The following KCNC2 variants were observed in gnomAD, a reference collection of about 807,000 sequenced individuals.
The protein encoded by KCNC2 is potassium voltage-gated channel subfamily C member 2, also known as voltage-gated potassium channel KCNC2.
Under a neutral mutation model 44.5 loss-of-function variants are expected in KCNC2, and 21 were observed. That is an observed-to-expected ratio of 0.47 (90% CI 0.33 to 0.68). The LOEUF (loss-of-function observed/expected upper bound fraction) is 0.68. KCNC2 is among the 30% of genes least tolerant of loss of function. The probability of loss-of-function intolerance (pLI) is 0.01; values close to 1 mark genes in which losing one functional copy is unlikely to be tolerated. For missense variants in KCNC2, 589 were observed against 826.2 expected (o/e 0.71, Z 3.52); for synonymous variants, 391 against 339.1 (o/e 1.15, Z -1.68).
intron 2 of KCNC2, among the ~76,000 whole-genome samples, chr12:75,061,667 G>GTCA (rs1226399643): frequency 6.6e-6 from 1 of 151,214 alleles, no homozygotes; most frequent in African/African-American, 2.4e-5. Context: ...GTCCATAGAG[G>GTCA]TCATCACAAA....
intron 2 of KCNC2, among the ~76,000 whole-genome samples, chr12:75,199,481 T>G (rs2031059066): frequency 6.6e-6 from 1 of 151,908 alleles, no homozygotes; most frequent in South Asian, 2.1e-4. Flanking sequence ...CCCAAGTTCT[T>G]CTGCTTTGAT....
intron 2 of KCNC2, among the ~76,000 whole-genome samples, chr12:75,120,384 A>G (rs1309770529): frequency 6.6e-6 from 1 of 152,236 alleles, no homozygotes; most frequent in Non-Finnish European, 1.5e-5. Context: ...CGCTGCTGGC[A>G]TACCACAACC....
intron 2 of KCNC2, among the ~76,000 whole-genome samples, chr12:75,114,115 A>C (rs898697639): frequency 6.6e-6 from 1 of 152,174 alleles, no homozygotes; most frequent in Non-Finnish European, 1.5e-5. Context: ...ATTCAACTAA[A>C]TTTTTAATTT....
rs2031809946 is a variant in KCNC2, at chr12:75,207,712, C to T, written c.272G>A (p.Arg91Lys). Residue 91 changes from arginine (R) to lysine (K), a missense_variant, in exon 2 of 5, where the codon AGG (arginine) becomes AAG (lysine). Arg to Lys is a conservative substitution (Grantham distance 26, BLOSUM62 2). Coordinates refer to ENST00000549446, the MANE Select transcript of KCNC2 (RefSeq NM_139137.4). This position sits in a 1 kb window ranked among gnomAD's most constrained non-coding sequence, Gnocchi z 4.1. Reference protein sequence around the residue: ...GAGNCSSRGGRASDHPGGGRE... With the variant: ...GAGNCSSRGGKASDHPGGGRE... ...GCCGCCACCGGGATGGTCGCTGGCC[C>T]TGCCGCCGCGGGAACTGCAGTTGCC... 3.2e-6 allele frequency: 5 copies of T among 1,580,528 alleles called. No homozygotes were observed. The highest frequency in any genetic ancestry group is 4.3e-6 in the Non-Finnish European group (5 of 1,163,890).
chr12:75,041,752 C>A lies in KCNC2; in HGVS notation c.*1353G>T. 1 of 991,904 alleles carries A rather than the reference C, an allele frequency of 1.0e-6. No individual in the cohort carries two copies. The highest frequency in any genetic ancestry group is 1.2e-6 in the Non-Finnish European group (1 of 833,694). The allele number at this position is 991,904 out of a possible 1,614,324, so 61.4% of individuals were successfully genotyped here. On this transcript the variant is annotated 3_prime_UTR_variant, in exon 5 of 5. Coordinates refer to ENST00000549446, the MANE Select transcript of KCNC2 (RefSeq NM_139137.4). ...TGCAATGGTGAAATTGCTGCTTAAA[C>A]CCTGCTTATCAAAAAGATTCACAGT...
At chr12:75,192,604 C>T (rs537269659) in intron 2 of KCNC2, among the ~76,000 whole-genome samples, 1 of 152,220 alleles carries the variant, frequency 6.6e-6, no homozygotes, top group East Asian at 1.9e-4. Context: ...TAAAAAGCTT[C>T]TTATGGCAAT....
intron 2 of KCNC2, among the ~76,000 whole-genome samples, chr12:75,117,666 A>C (rs980286124): frequency 6.6e-6 from 1 of 152,162 alleles, no homozygotes; most frequent in African/African-American, 2.4e-5. Context: ...AGAGGGCAAT[A>C]GTTAAAGTTT....
chr12:75,106,105 T>A (rs1036557032), intron 2 of KCNC2, among the ~76,000 whole-genome samples: 1 of 151,976 alleles, frequency 6.6e-6, no homozygotes, highest in African/African-American at 2.4e-5. Context: ...AAAAAACAAA[T>A]GTTTCAAGCA....
chr12:75,051,502 T>C (rs1189842491), intron 2 of KCNC2, among the ~76,000 whole-genome samples, 185 bp from the exon 3 acceptor site: 1 of 152,170 alleles, frequency 6.6e-6, no homozygotes, highest in Admixed American at 6.6e-5. Context: ...GTACAGGTAA[T>C]GTATTTCAGG....
At chr12:75,060,290 C>T (rs1395799936) in intron 2 of KCNC2, among the ~76,000 whole-genome samples, 2 of 151,950 alleles carry the variant, frequency 1.3e-5, no homozygotes, top group East Asian at 3.9e-4. Flanking sequence ...CATTTTTCTC[C>T]CTTCTCTTCA....
At chr12:75,194,796 T>A (rs1261324674) in intron 2 of KCNC2, among the ~76,000 whole-genome samples, 1 of 152,188 alleles carries the variant, frequency 6.6e-6, no homozygotes, top group African/African-American at 2.4e-5. Context: ...AGAACCATTC[T>A]ATGGAATCTT....
At chr12:75,149,363 A>AT (rs2137454017) in intron 2 of KCNC2, among the ~76,000 whole-genome samples, 1 of 151,988 alleles carries the variant, frequency 6.6e-6, no homozygotes, top group East Asian at 1.9e-4. Flanking sequence ...CCATCTCATT[A>AT]TTTTTTAGTC....
rs1306368333 is a variant in KCNC2, at chr12:75,050,506, G to A, written c.1499C>T (p.Ala500Val). 9.9e-6 allele frequency: 16 copies of A among 1,613,624 alleles called. No homozygotes were observed. The highest frequency in any genetic ancestry group is 1.4e-5 in the Non-Finnish European group (16 of 1,179,758). Residue 500 changes from alanine (A) to valine (V), a missense_variant, in exon 3 of 5, where the codon GCT (alanine) becomes GTT (valine). This residue lies in a region of KCNC2 where 171 missense variants were observed against 182.4 expected (regional missense o/e 0.94). Transcript: ENST00000549446. ...PRKRKKHIPP[A>V]PQASSPTFCK... ...AAAAGTAGGTGAGCTTGCCTGAGGA[G>A]CAGGAGGGATGTGCTTCTTTCTTTT... is the stretch of plus-strand genomic sequence containing the variant.
intron 2 of KCNC2, among the ~76,000 whole-genome samples, chr12:75,185,582 A>T (rs972257072): frequency 1.3e-5 from 2 of 151,906 alleles, no homozygotes; most frequent in Non-Finnish European, 2.9e-5. Flanking sequence ...TGGCACCATG[A>T]TCTTGGACTT....
At chr12:75,182,520 C>CAAAAAAAAAAAAA (rs71438888) in intron 2 of KCNC2, among the ~76,000 whole-genome samples, 1 of 81,426 alleles carries the variant, frequency 1.2e-5, no homozygotes, top group South Asian at 4.6e-4. Context: ...GATTCCGTCT[C>CAAAAAAAAAAAAA]AAAAAAAAAA....
intron 2 of KCNC2, among the ~76,000 whole-genome samples, chr12:75,085,125 T>C (rs1328336367): frequency 1.3e-5 from 2 of 152,024 alleles, no homozygotes; most frequent in African/African-American, 2.4e-5. Context: ...TGAGAACTTG[T>C]TAGGCTTTAT....
At chr12:75,076,803 T>C (rs1178118359) in intron 2 of KCNC2, among the ~76,000 whole-genome samples, 1 of 152,238 alleles carries the variant, frequency 6.6e-6, no homozygotes, top group Non-Finnish European at 1.5e-5. Context: ...TTCAGTTAAA[T>C]ATATCTATCT....
intron 2 of KCNC2, among the ~76,000 whole-genome samples, chr12:75,076,817 T>C (rs546651885): frequency 1.3e-5 from 2 of 152,226 alleles, no homozygotes; most frequent in East Asian, 1.9e-4. Flanking sequence ...TCTATCTCTA[T>C]CTATACAAAT....
chr12:75,150,911 A>C (rs777883732), intron 2 of KCNC2, among the ~76,000 whole-genome samples: 4 of 151,994 alleles, frequency 2.6e-5, no homozygotes, highest in Non-Finnish European at 4.4e-5. Flanking sequence ...TAAAATTTAG[A>C]GATAGATTCC....
Sources: gnomAD v4.1 joint callset for allele counts (sites outside exome capture counted in the v4.1 genomes callset) on GRCh38, gnomAD v4.1.1 for gene constraint, gnomAD v4.1.1 regional missense constraint, Gnocchi (gnomAD v3.1) non-coding constraint, MANE v1.5 for transcripts, NCBI Gene and HGNC (gene_info 2026-07-23, HGNC 2026-07-21) for gene names.